The following COG5 variants were observed in gnomAD, a reference collection of about 807,000 sequenced individuals.
The protein encoded by COG5 is component of oligomeric golgi complex 5.
Under a neutral mutation model 110.4 loss-of-function variants are expected in COG5, and 86 were observed. The ratio of observed to expected loss-of-function variants is 0.78; its 90% CI spans 0.65 to 0.93. The LOEUF is 0.93. Ranked by LOEUF, COG5 falls within the 40% of genes least tolerant of loss-of-function variation. The pLI is 0.00. For missense variants in COG5, 1,077 were observed against 987.0 expected (o/e 1.09, Z -1.22); for synonymous variants, 360 against 334.6 (o/e 1.08, Z -0.83).
At chr7:107,207,571 T>TA (rs1798874164) in intron 21 of COG5, among the ~76,000 whole-genome samples, 1 of 152,236 alleles carries the variant, frequency 6.6e-6, no homozygotes, top group African/African-American at 2.4e-5. Context: ...CCACCGCTGT[T>TA]ACAGAGCTTG....
chr7:107,318,097 G>A (rs1584670058), intron 11 of COG5, among the ~76,000 whole-genome samples: 2 of 151,744 alleles, frequency 1.3e-5, no homozygotes, highest in South Asian at 2.1e-4. Context: ...GGGCCATCTC[G>A]GCTCACTGCA....
At chr7:107,274,604 G>T (rs191716856) in intron 14 of COG5, among the ~76,000 whole-genome samples, 1 of 152,242 alleles carries the variant, frequency 6.6e-6, no homozygotes, top group East Asian at 1.9e-4. Context: ...GCCTAGAACA[G>T]CAGCCAGCCA....
chr7:107,502,927 A>T (rs1311317307), intron 6 of COG5, among the ~76,000 whole-genome samples: 2 of 126,840 alleles, frequency 1.6e-5, no homozygotes, highest in African/African-American at 5.2e-5. Flanking sequence ...TCACATGCAC[A>T]GTTTACAAGT....
intron 5 of COG5, among the ~76,000 whole-genome samples, chr7:107,529,858 G>A (rs1179586055): frequency 1.3e-5 from 2 of 152,140 alleles, no homozygotes; most frequent in African/African-American, 4.8e-5. Context: ...TGAGGTTGCT[G>A]CAGACCTGTA....
chr7:107,409,654 G>C (rs1563016720), intron 7 of COG5, among the ~76,000 whole-genome samples: 1 of 152,174 alleles, frequency 6.6e-6, no homozygotes, highest in Non-Finnish European at 1.5e-5. Context: ...AAAAGGAAAA[G>C]GTTGAAGATT....
intron 6 of COG5, among the ~76,000 whole-genome samples, chr7:107,498,234 C>A (rs1030573319): frequency 6.6e-6 from 1 of 152,138 alleles, no homozygotes; most frequent in African/African-American, 2.4e-5. Flanking sequence ...AATGATTTCA[C>A]AGATGTGACC....
intron 10 of COG5, among the ~76,000 whole-genome samples, chr7:107,351,520 G>A (rs1290824205): frequency 6.6e-6 from 1 of 152,074 alleles, no homozygotes; most frequent in Non-Finnish European, 1.5e-5. Context: ...GAGTGAACAG[G>A]CAACCTACAG....
chr7:107,274,630 C>T (rs562730094), intron 14 of COG5, among the ~76,000 whole-genome samples: 1 of 152,036 alleles, frequency 6.6e-6, no homozygotes, highest in Admixed American at 6.6e-5. Flanking sequence ...GTGAGTAAAC[C>T]CAGCCAACCT....
At chr7:107,533,381 G>C (rs1801348945) in intron 5 of COG5, among the ~76,000 whole-genome samples, 1 of 151,446 alleles carries the variant, frequency 6.6e-6, no homozygotes, top group Non-Finnish European at 1.5e-5. Flanking sequence ...CAAGCTACAG[G>C]AGCATGTTCT....
chr7:107,392,633 T>C (rs989194498), intron 7 of COG5, among the ~76,000 whole-genome samples: 1 of 149,728 alleles, frequency 6.7e-6, no homozygotes, highest in Non-Finnish European at 1.5e-5. Flanking sequence ...AACAACTTAC[T>C]ATCTACTATC....
chr7:107,364,348 A>G (rs1813408514), intron 8 of COG5, among the ~76,000 whole-genome samples: 1 of 152,252 alleles, frequency 6.6e-6, no homozygotes, highest in Non-Finnish European at 1.5e-5. Context: ...ACAGAAAAGC[A>G]TGATCCCTGA....
chr7:107,301,068 A>C (rs1807223437), intron 11 of COG5, among the ~76,000 whole-genome samples: 1 of 152,200 alleles, frequency 6.6e-6, no homozygotes, highest in Non-Finnish European at 1.5e-5. Flanking sequence ...AGTTCAACAA[A>C]TGATACTGTA....
At chr7:107,237,330 A>G (rs551895012) in intron 17 of COG5, among the ~76,000 whole-genome samples, 1 of 152,352 alleles carries the variant, frequency 6.6e-6, no homozygotes, top group Middle Eastern at 3.4e-3. Context: ...ATAATTTATA[A>G]ATGTTTATAA....
intron 12 of COG5, among the ~76,000 whole-genome samples, chr7:107,287,335 C>A (rs1046683080): frequency 6.6e-6 from 1 of 152,144 alleles, no homozygotes; most frequent in Non-Finnish European, 1.5e-5. Flanking sequence ...TAGTAAGCTG[C>A]AGTTGAGAAA....
intron 11 of COG5, among the ~76,000 whole-genome samples, chr7:107,305,288 A>C (rs1349922830): frequency 6.6e-6 from 1 of 152,164 alleles, no homozygotes; most frequent in African/African-American, 2.4e-5. Flanking sequence ...TTCATAGCTT[A>C]ATTAAGTGCC....
chr7:107,429,084 C>T (rs919282620), intron 6 of COG5, among the ~76,000 whole-genome samples: 4 of 152,070 alleles, frequency 2.6e-5, no homozygotes, highest in African/African-American at 9.7e-5. Context: ...TGTGACAAAC[C>T]TATTGTACAA....
At chr7:107,384,276 C>T (rs969474628) in intron 7 of COG5, among the ~76,000 whole-genome samples, 10 of 152,104 alleles carry the variant, frequency 6.6e-5, no homozygotes, top group African/African-American at 2.4e-4. Flanking sequence ...CATCTTTACC[C>T]TTCCATCTAA....
chr7:107,215,407 C>T (rs1379589576), intron 19 of COG5, among the ~76,000 whole-genome samples: 6 of 152,108 alleles, frequency 3.9e-5, no homozygotes, highest in Non-Finnish European at 8.8e-5. Context: ...GTGGCTCACG[C>T]CTGTAATCCC....
chr7:107,536,949 G>A (rs1244988399), intron 5 of COG5, among the ~76,000 whole-genome samples: 2 of 152,000 alleles, frequency 1.3e-5, no homozygotes, highest in African/African-American at 4.8e-5. Context: ...TAGATCAATG[G>A]AACAGGCCTC....
Sources: allele counts gnomAD v4.1 joint callset (sites outside exome capture counted in the v4.1 genomes callset), GRCh38; gene constraint gnomAD v4.1.1; transcripts MANE v1.5; gene names NCBI Gene and HGNC (gene_info 2026-07-23, HGNC 2026-07-21).